Variants in KCNC2 observed in about 807,000 individuals in gnomAD.
KCNC2 encodes the protein potassium voltage-gated channel subfamily C member 2.
In KCNC2, 21 loss-of-function variants were observed where a neutral mutation model predicts 44.5. The ratio of observed to expected loss-of-function variants is 0.47; its 90% confidence interval spans 0.33 to 0.68. KCNC2 has a LOEUF of 0.68. KCNC2 is among the 30% of genes least tolerant of loss of function. The pLI is 0.01. For missense variants in KCNC2, 589 were observed against 826.2 expected (o/e 0.71, Z 3.52); for synonymous variants, 391 against 339.1 (o/e 1.15, Z -1.68).
At chr12:75,095,205 T>C (rs748130434) in intron 2 of KCNC2, among the ~76,000 whole-genome samples, 9 of 151,858 alleles carry the variant, frequency 5.9e-5, no homozygotes, top group Non-Finnish European at 8.9e-5. Flanking sequence ...ACCATGCTAC[T>C]GCTTTCATCT....
chr12:75,124,254 G>GT (rs1888245186), intron 2 of KCNC2: 1 of 152,142 alleles, frequency 6.6e-6, no homozygotes, highest in Admixed American at 6.5e-5. Flanking sequence ...TACACTGTAT[G>GT]TTTTTTAAAG....
intron 2 of KCNC2, among the ~76,000 whole-genome samples, chr12:75,157,307 T>C (rs1393202018): frequency 6.6e-6 from 1 of 151,856 alleles, no homozygotes. Context: ...CTGTATATCA[T>C]GGCTGGAACT....
At chr12:75,108,600 C>T (rs1886977286) in intron 2 of KCNC2, among the ~76,000 whole-genome samples, 1 of 152,160 alleles carries the variant, frequency 6.6e-6, no homozygotes, top group South Asian at 2.1e-4. Context: ...CTTTAACTGC[C>T]TTTATCCATT....
At chr12:75,098,438 T>C (rs1886111235) in intron 2 of KCNC2, among the ~76,000 whole-genome samples, 1 of 152,154 alleles carries the variant, frequency 6.6e-6, no homozygotes, top group Admixed American at 6.6e-5. Flanking sequence ...CTCCGTGGAA[T>C]TCTTAAATTG....
intron 2 of KCNC2, among the ~76,000 whole-genome samples, chr12:75,157,543 C>T (rs1440475813): frequency 2.0e-5 from 3 of 151,868 alleles, no homozygotes; most frequent in Non-Finnish European, 4.4e-5. Context: ...TTCCTTGGAC[C>T]TGTGCGTCTT....
intron 2 of KCNC2, among the ~76,000 whole-genome samples, chr12:75,113,242 A>T (rs1051439482): frequency 3.3e-5 from 5 of 152,242 alleles, no homozygotes; most frequent in African/African-American, 1.2e-4. Flanking sequence ...CTTTAAAATT[A>T]ATGTACTAAC....
At chr12:75,104,206 A>G (rs1419227844) in intron 2 of KCNC2, among the ~76,000 whole-genome samples, 1 of 152,166 alleles carries the variant, frequency 6.6e-6, no homozygotes, top group Admixed American at 6.5e-5. Flanking sequence ...TCATCGAGCC[A>G]TGACAATGTC....
intron 4 of KCNC2, among the ~76,000 whole-genome samples, chr12:75,046,215 T>C (rs768285659): frequency 7.9e-5 from 12 of 151,850 alleles, no homozygotes; most frequent in Non-Finnish European, 1.5e-4. Context: ...TCAATGATGT[T>C]CTCACTAATA....
rs575140924 is a variant in KCNC2, at chr12:75,042,199, C to A, written c.*906G>T. 1.5e-6 allele frequency: 2 copies of A among 1,352,704 alleles called. No homozygotes were observed. Among genetic ancestry groups the A allele is most frequent in the East Asian group, 2.8e-5 (1 of 36,064 alleles). 83.8% of individuals were successfully genotyped at this position (1,352,704 alleles called of 1,614,324 possible). A position where few individuals can be genotyped will look rare whatever the true frequency, so the allele number is the denominator to read the frequency against. On this transcript the variant is annotated 3_prime_UTR_variant, in exon 5 of 5. Coordinates refer to ENST00000549446, the MANE Select transcript of KCNC2 (RefSeq NM_139137.4). ...TCTGCCTCTGAAAATGATGACAAAC[C>A]CTGGGTATTTTTTTTTTTTAAAGAG...
At chr12:75,192,209 G>T (rs188109040) in intron 2 of KCNC2, among the ~76,000 whole-genome samples, 9 of 152,238 alleles carry the variant, frequency 5.9e-5, no homozygotes, top group Non-Finnish European at 8.8e-5. Context: ...TTTTTCCTGC[G>T]CTCCTTGTCT....
chr12:75,148,134 T>C (rs2137446412), intron 2 of KCNC2, among the ~76,000 whole-genome samples: 1 of 152,206 alleles, frequency 6.6e-6, no homozygotes, highest in East Asian at 1.9e-4. Context: ...ATCAGAACAT[T>C]GCATTGTAGC....
chr12:75,118,327 A>G (rs73355606), intron 2 of KCNC2, among the ~76,000 whole-genome samples: 8,163 of 152,216 alleles, frequency 0.054, 266 homozygotes, highest in African/African-American at 0.087. Flanking sequence ...ATTTCAATGG[A>G]GAGAAACAGA....
intron 2 of KCNC2, among the ~76,000 whole-genome samples, chr12:75,063,537 A>G (rs1882543507): frequency 6.6e-6 from 1 of 152,028 alleles, no homozygotes; most frequent in African/African-American, 2.4e-5. Context: ...CAATGTCCAG[A>G]AATGAGAGAA....
At chr12:75,072,545 T>C (rs746666506) in intron 2 of KCNC2, among the ~76,000 whole-genome samples, 1 of 151,696 alleles carries the variant, frequency 6.6e-6, no homozygotes, top group Non-Finnish European at 1.5e-5. Flanking sequence ...TAAAAACACA[T>C]AACATTTGAG....
At chr12:75,130,878 G>GGCAATTA (rs1888795657) in intron 2 of KCNC2, among the ~76,000 whole-genome samples, 2 of 151,688 alleles carry the variant, frequency 1.3e-5, no homozygotes, top group Non-Finnish European at 2.9e-5. Context: ...ATCCATATCA[G>GGCAATTA]CTCACTGGCA....
At chr12:75,099,695 AT>A (rs1353077578) in intron 2 of KCNC2, among the ~76,000 whole-genome samples, 2 of 152,190 alleles carry the variant, frequency 1.3e-5, no homozygotes, top group Non-Finnish European at 2.9e-5. Context: ...CAAGATTTCT[AT>A]TATCCTCATT....
At chr12:75,163,631 C>T (rs990178116) in intron 2 of KCNC2, among the ~76,000 whole-genome samples, 5 of 151,652 alleles carry the variant, frequency 3.3e-5, no homozygotes, top group South Asian at 2.1e-4. Context: ...TTGCTACTTA[C>T]GCACGCCAAT....
At chr12:75,147,841 T>C (rs1007294985) in intron 2 of KCNC2, among the ~76,000 whole-genome samples, 1 of 152,130 alleles carries the variant, frequency 6.6e-6, no homozygotes, top group Non-Finnish European at 1.5e-5. Context: ...TACACAACAG[T>C]TAGTGATCTG....
chr12:75,182,254 G>T (rs1263382407), intron 2 of KCNC2, among the ~76,000 whole-genome samples: 1 of 151,566 alleles, frequency 6.6e-6, no homozygotes, highest in Non-Finnish European at 1.5e-5. Flanking sequence ...GGCCGGGGGT[G>T]GTGGCTCACG....
Sources: allele counts gnomAD v4.1 joint callset (sites outside exome capture counted in the v4.1 genomes callset), GRCh38; gene constraint gnomAD v4.1.1; transcripts MANE v1.5; gene names NCBI Gene and HGNC (gene_info 2026-07-23, HGNC 2026-07-21).